VPS13D: variants seen among roughly 807,000 people sequenced by gnomAD.
The protein encoded by VPS13D is vacuolar protein sorting 13 homolog D, also known as intermembrane lipid transfer protein VPS13D.
In VPS13D, 187 loss-of-function variants were observed where a neutral mutation model predicts 461.9. That is an observed-to-expected ratio of 0.40 (90% CI 0.36 to 0.46). The LOEUF is 0.46. VPS13D is among the 20% of genes least tolerant of loss of function. The pLI, the probability that VPS13D is intolerant of heterozygous loss-of-function variation, is 0.60. For missense variants in VPS13D, 4,711 were observed against 5,364.9 expected (o/e 0.88, Z 3.81); for synonymous variants, 1,951 against 1,986.3 (o/e 0.98, Z 0.47).
chr1:12,470,862 T>C (rs1230760550), intron 67 of VPS13D, among the ~76,000 whole-genome samples: 1 of 152,240 alleles, frequency 6.6e-6, no homozygotes, highest in Non-Finnish European at 1.5e-5. Context: ...TTTTCCCTCA[T>C]TACCGGGTCC....
intron 66 of VPS13D, among the ~76,000 whole-genome samples, chr1:12,457,121 G>A (rs1645340555): frequency 6.6e-6 from 1 of 152,120 alleles, no homozygotes; most frequent in African/African-American, 2.4e-5. Context: ...GCCTTTTGTT[G>A]CATTTTTCTT....
chr1:12,333,712 A>T (rs1294160451), intron 38 of VPS13D, among the ~76,000 whole-genome samples: 1 of 152,244 alleles, frequency 6.6e-6, no homozygotes, highest in East Asian at 1.9e-4. Context: ...TCACGGACTA[A>T]TTCTTAAAAG....
intron 37 of VPS13D, among the ~76,000 whole-genome samples, chr1:12,332,942 C>G (rs1042402255): frequency 1.3e-5 from 2 of 152,146 alleles, no homozygotes; most frequent in Non-Finnish European, 2.9e-5. Flanking sequence ...CCCACCTGTT[C>G]TTTAGTGGAA....
intron 65 of VPS13D, among the ~76,000 whole-genome samples, chr1:12,417,445 A>G (rs1007642103): frequency 6.6e-6 from 1 of 152,208 alleles, no homozygotes; most frequent in Non-Finnish European, 1.5e-5. Context: ...GGTAGTTGCT[A>G]TTTGACATAC....
At chr1:12,355,778 G>T (rs930848206) in intron 47 of VPS13D, 121 bp from the exon 48 acceptor site, 2 of 1,024,758 alleles carry the variant, frequency 2.0e-6, no homozygotes, top group Non-Finnish European at 2.7e-6. Flanking sequence ...TTCTAATGAA[G>T]ATTTTTGCAG....
chr1:12,383,295 A>G, intron 58 of VPS13D, 140 bp downstream of exon 58: 2 of 889,734 alleles, frequency 2.2e-6, no homozygotes, highest in Non-Finnish European at 3.2e-6. Context: ...TGGGGATAGG[A>G]TCTACCTCAC....
chr1:12,284,222 TG>T (rs1457533097), intron 21 of VPS13D, among the ~76,000 whole-genome samples: 6 of 152,234 alleles, frequency 3.9e-5, no homozygotes, highest in African/African-American at 1.4e-4. Flanking sequence ...GTTTGAGTCC[TG>T]GTACTTTCAC....
chr1:12,394,335 A>G (rs1570083909), intron 60 of VPS13D, among the ~76,000 whole-genome samples: 2 of 152,138 alleles, frequency 1.3e-5, no homozygotes, highest in East Asian at 3.9e-4. Flanking sequence ...TTTCGCTTCT[A>G]GGAACACCAT....
chr1:12,345,585 T>C lies in VPS13D; in HGVS notation c.9021+76T>C, dbSNP rs1446514798. ...ATGGTTAAGCCTGTAATAAGCTTAC[T>C]CTAATGAAACTTTCTTGTTCTTTCT... On this transcript the variant is annotated intron_variant, in intron 43 of 69. Transcript: ENST00000620676. The C allele has an allele frequency of 2.0e-6, 3 of 1,516,916 alleles. 1 individual carries two copies. Among genetic ancestry groups the C allele is most frequent in the Non-Finnish European group, 2.7e-6 (3 of 1,120,674 alleles). The allele number at this position is 1,516,916 out of a possible 1,614,324, so 94.0% of individuals were successfully genotyped here.
At chr1:12,481,268 C>T (rs1039599217) in intron 67 of VPS13D, among the ~76,000 whole-genome samples, 2 of 152,136 alleles carry the variant, frequency 1.3e-5, no homozygotes, top group Admixed American at 6.5e-5. Flanking sequence ...ATCCCAGTAC[C>T]CAACGGGGCC....
intron 57 of VPS13D, among the ~76,000 whole-genome samples, chr1:12,381,582 T>C (rs1644272081): frequency 1.3e-5 from 2 of 152,248 alleles, no homozygotes; most frequent in African/African-American, 4.8e-5. Context: ...ATTGAAATCC[T>C]TACTTAGGAG....
chr1:12,401,943 T>C (rs1325808038), intron 62 of VPS13D, among the ~76,000 whole-genome samples: 1 of 152,190 alleles, frequency 6.6e-6, no homozygotes, highest in Non-Finnish European at 1.5e-5. Context: ...TCCTGGAGTA[T>C]CCAGTGGTAT....
At chr1:12,232,211 C>G (rs1217272475) in intron 1 of VPS13D, among the ~76,000 whole-genome samples, 1 of 151,600 alleles carries the variant, frequency 6.6e-6, no homozygotes. Flanking sequence ...CTGTTTTTTT[C>G]TTTTTGCTGT....
Position 12,511,072 on chromosome 1 carries a change from T to A in VPS13D, c.*2048T>A, listed in dbSNP as rs374232078. On this transcript the variant is annotated 3_prime_UTR_variant, in exon 70 of 70. Transcript: ENST00000620676. This position sits in a 1 kb window ranked among gnomAD's most constrained non-coding sequence, Gnocchi z 4.5. ...TTTGGGCCGCAGCAGTGCTGGGTGTTCTCAGACCTGACTGAGGAAGTTAGC... is the reference window on the plus strand; with the variant it reads ...TTTGGGCCGCAGCAGTGCTGGGTGTACTCAGACCTGACTGAGGAAGTTAGC... 1 of 152,264 alleles carries A rather than the reference T, an allele frequency of 6.6e-6. No homozygotes were observed. Among genetic ancestry groups the A allele is most frequent in the Non-Finnish European group, 1.5e-5 (1 of 68,066 alleles). The allele number at this position is 152,264 out of a possible 1,614,324, so 9.4% of individuals were successfully genotyped here.
At chr1:12,393,274 C>G (rs1644451593) in intron 60 of VPS13D, among the ~76,000 whole-genome samples, 1 of 152,234 alleles carries the variant, frequency 6.6e-6, no homozygotes, top group Admixed American at 6.5e-5. Context: ...AAGCAAAAAG[C>G]AATCAAGGTC....
intron 49 of VPS13D, among the ~76,000 whole-genome samples, chr1:12,357,641 A>T (rs1429374719): frequency 6.6e-6 from 1 of 152,232 alleles, no homozygotes; most frequent in East Asian, 1.9e-4. Context: ...TAGAGCTGGA[A>T]CACACATTCA....
At chr1:12,433,533 G>C (rs1397829767) in intron 65 of VPS13D, among the ~76,000 whole-genome samples, 1 of 152,230 alleles carries the variant, frequency 6.6e-6, no homozygotes, top group Non-Finnish European at 1.5e-5. Flanking sequence ...AAGCGTGCCT[G>C]CCCTCCCGAT....
At position 12,358,723 on chromosome 1, in the gene VPS13D, G is replaced by A. The variant is rs1643910121; in HGVS notation, c.10141+122G>A. The A allele has an allele frequency of 7.9e-6, 10 of 1,265,810 alleles. 1 individual carries two copies. In the South Asian group the frequency reaches 1.4e-4, roughly 17 times the overall value. The allele number at this position is 1,265,810 out of a possible 1,614,324, so 78.4% of individuals were successfully genotyped here. A position where few individuals can be genotyped will look rare whatever the true frequency, so the allele number is the denominator to read the frequency against. ...AGTACTGATTTTCTTATTTGGCATT[G>A]GGTCAGGTATCTGTTCTCTGAATGC... On this transcript the variant is annotated intron_variant, in intron 50 of 69. Coordinates refer to ENST00000620676, the MANE Select transcript of VPS13D (RefSeq NM_015378.4).
intron 65 of VPS13D, among the ~76,000 whole-genome samples, chr1:12,433,026 C>G (rs1401734357): frequency 6.6e-6 from 1 of 152,236 alleles, no homozygotes; most frequent in African/African-American, 2.4e-5. Flanking sequence ...AGTACCTTTT[C>G]TCTCCTGGTA....
Sources: gnomAD v4.1 joint callset for allele counts (sites outside exome capture counted in the v4.1 genomes callset) on GRCh38, gnomAD v4.1.1 for gene constraint, Gnocchi (gnomAD v3.1) non-coding constraint, MANE v1.5 for transcripts, NCBI Gene and HGNC (gene_info 2026-07-23, HGNC 2026-07-21) for gene names.